The following URB1 variants were observed in gnomAD, a reference collection of about 807,000 sequenced individuals.
URB1 encodes the protein URB1 ribosome biogenesis factor, also known as nucleolar pre-ribosomal-associated protein 1.
URB1 carries 197 observed loss-of-function variants against 242.3 expected under a neutral mutation model. The ratio of observed to expected loss-of-function variants is 0.81; its 90% CI spans 0.72 to 0.91. URB1 has a LOEUF of 0.91. Ranked by LOEUF, URB1 falls within the 40% of genes least tolerant of loss-of-function variation. The pLI, the probability that URB1 is intolerant of heterozygous loss-of-function variation, is 0.00. For missense variants in URB1, 2,721 were observed against 2,860.5 expected (o/e 0.95, Z 1.11); for synonymous variants, 1,153 against 1,201.8 (o/e 0.96, Z 0.84).
chr21:32,323,731 G>C (rs2032794841), intron 32 of URB1, among the ~76,000 whole-genome samples: 1 of 152,158 alleles, frequency 6.6e-6, no homozygotes, highest in Non-Finnish European at 1.5e-5. Flanking sequence ...CCAGCACTTT[G>C]GGAGGCTGAA....
chr21:32,353,789 G>A (rs1035856849), intron 18 of URB1, 144 bp downstream of exon 18: 2 of 969,126 alleles, frequency 2.1e-6, no homozygotes, highest in East Asian at 5.6e-5. Flanking sequence ...TCTGCTGGCT[G>A]GGTAGCTATC....
chr21:32,377,692 G>A lies in URB1; in HGVS notation c.664+753C>T, dbSNP rs78360015. On this transcript the variant is annotated intron_variant, in intron 5 of 38. Coordinates refer to ENST00000382751, the MANE Select transcript of URB1 (RefSeq NM_014825.3). ...CCTCCTAAATCGTCCCGGCAGTCAC[G>A]TTCCAGGGGCAGTCCAGATCTCCCA... Among the ~76,000 whole-genome samples the A allele has an allele frequency of 4.2e-3, 639 of 152,198 alleles. 8 individuals carry two copies. The highest frequency in any genetic ancestry group is 0.015 in the African/African-American group (618 of 41,514).
intron 20 of URB1, among the ~76,000 whole-genome samples, chr21:32,349,943 A>C (rs2123582856): frequency 6.6e-6 from 1 of 152,042 alleles, no homozygotes; most frequent in East Asian, 1.9e-4. Flanking sequence ...AAAAATACAA[A>C]AATTAGCCAG....
At chr21:32,362,915 G>A (rs554570690) in intron 11 of URB1, among the ~76,000 whole-genome samples, 9 of 152,250 alleles carry the variant, frequency 5.9e-5, no homozygotes, top group East Asian at 5.8e-4. Flanking sequence ...CACATGTATC[G>A]TCTAAATTCT....
intron 8 of URB1, 135 bp downstream of exon 8, chr21:32,372,372 G>T: frequency 8.1e-7 from 1 of 1,240,436 alleles, no homozygotes; most frequent in Non-Finnish European, 1.1e-6. Flanking sequence ...GACTACAACT[G>T]TTCAACCCTG....
intron 8 of URB1, among the ~76,000 whole-genome samples, chr21:32,369,195 T>C (rs2033380334): frequency 6.6e-6 from 1 of 152,068 alleles, no homozygotes; most frequent in Non-Finnish European, 1.5e-5. Flanking sequence ...ACCCTATCTC[T>C]ATTAAAAACA....
intron 17 of URB1, among the ~76,000 whole-genome samples, chr21:32,354,470 G>C (rs2033195931): frequency 1.3e-5 from 2 of 152,154 alleles, no homozygotes. Context: ...TTCTAATCCT[G>C]ACTTTGCTAT....
At chr21:32,338,577 T>A in intron 26 of URB1, 130 bp downstream of exon 26, 1 of 1,042,912 alleles carries the variant, frequency 9.6e-7, no homozygotes, top group Non-Finnish European at 1.4e-6. Flanking sequence ...AATAAAACAT[T>A]CTGACACTGT....
intron 25 of URB1, among the ~76,000 whole-genome samples, chr21:32,340,100 T>G (rs984266696): frequency 6.6e-6 from 1 of 152,242 alleles, no homozygotes; most frequent in Non-Finnish European, 1.5e-5. Flanking sequence ...CATAATTCTG[T>G]GATGGTAACC....
chr21:32,388,660 G>A (rs554074202), intron 1 of URB1, among the ~76,000 whole-genome samples: 103 of 152,362 alleles, frequency 6.8e-4, no homozygotes, highest in African/African-American at 2.4e-3. Flanking sequence ...AGGCACCCTG[G>A]AGTTATGCAT....
chr21:32,346,751 A>G (rs961264045), intron 22 of URB1, among the ~76,000 whole-genome samples: 3 of 152,210 alleles, frequency 2.0e-5, no homozygotes, highest in Admixed American at 6.5e-5. Flanking sequence ...CTGTGCCTCA[A>G]GCCACAAAGT....
intron 8 of URB1, among the ~76,000 whole-genome samples, chr21:32,371,624 TG>T (rs2033406785): frequency 1.3e-5 from 2 of 152,234 alleles, no homozygotes; most frequent in South Asian, 4.1e-4. Flanking sequence ...AGGAATCACC[TG>T]ATTTCCTGAC....
In URB1 at chr21:32,373,674, A is replaced by G; in HGVS notation, c.849T>C (p.Ile283=). Reference sequence around the variant, plus strand: ...TGACATTTTCTGGGTTCACATCGGTAATCCCATTCCAGTTGTACAGCGATG... The same window carrying G: ...TGACATTTTCTGGGTTCACATCGGTGATCCCATTCCAGTTGTACAGCGATG... ...HIASLYNWNG[I]TDVNPENVKV... Residue 283 remains isoleucine (I), a synonymous_variant, in exon 7 of 39, where the codon ATT becomes ATC. Transcript: ENST00000382751. 6.5e-7 allele frequency: 1 copy of G among 1,543,344 alleles called. No individual in the cohort carries two copies. The highest frequency in any genetic ancestry group is 8.7e-7 in the Non-Finnish European group (1 of 1,144,434).
chr21:32,351,471 T>C (rs1372227835), intron 19 of URB1, among the ~76,000 whole-genome samples: 1 of 152,246 alleles, frequency 6.6e-6, no homozygotes. Context: ...ACGTGGCTTA[T>C]GTTGCTATAA....
rs1245134848 is a variant in URB1, at chr21:32,314,876, G to A, written c.*42C>T. 1.8e-5 allele frequency: 28 copies of A among 1,533,514 alleles called. No individual in the cohort carries two copies. Among genetic ancestry groups the A allele is most frequent in the Non-Finnish European group, 2.3e-5 (26 of 1,137,032 alleles). 95.0% of individuals were successfully genotyped at this position (1,533,514 alleles called of 1,614,324 possible). ...ACTTCTAGAAGCTGGTGCTGTGCTC[G>A]AGGCTCTGGTCATCAGGGTGCAAGG... On this transcript the variant is annotated 3_prime_UTR_variant, in exon 39 of 39. Coordinates refer to ENST00000382751, the MANE Select transcript of URB1 (RefSeq NM_014825.3).
chr21:32,362,321 T>C (rs1332317457), intron 11 of URB1, among the ~76,000 whole-genome samples: 1 of 152,088 alleles, frequency 6.6e-6, no homozygotes, highest in Non-Finnish European at 1.5e-5. Flanking sequence ...TTCTCGTGCG[T>C]CAGCCACCTG....
rs575408135 is a variant in URB1, at chr21:32,372,549, T to C, written c.959A>G (p.His320Arg). The C allele has an allele frequency of 5.7e-5, 89 of 1,551,698 alleles. 2 individuals carry two copies. The South Asian group carries it at 1.0e-3, about 18-fold the overall frequency. The change falls in exon 8 of 39, where the codon CAT becomes CGT. Residue 320 changes from histidine (H) to arginine (R), a missense_variant. Transcript: ENST00000382751. ...FLMDLCCSLKHGINFYDASLG... is the reference protein window; with the variant it reads ...FLMDLCCSLKRGINFYDASLG... ...AGATGCATCGTAAAAATTAATTCCA[T>C]GCTTGAGTGAACAGCAAAGATCCAT...
At chr21:32,363,442 T>C (rs1033115410) in intron 10 of URB1, 113 bp from the exon 11 acceptor site, 3 of 1,293,776 alleles carry the variant, frequency 2.3e-6, no homozygotes, top group Non-Finnish European at 3.2e-6. Context: ...GAAAGCTGCA[T>C]GAAACTGCTG....
chr21:32,365,873 C>T (rs2033340965), intron 10 of URB1, among the ~76,000 whole-genome samples: 1 of 152,226 alleles, frequency 6.6e-6, no homozygotes. Flanking sequence ...ACAACTCAGC[C>T]TGCCTGGAAG....
Sources: allele counts gnomAD v4.1 joint callset (sites outside exome capture counted in the v4.1 genomes callset), GRCh38; gene constraint gnomAD v4.1.1; transcripts MANE v1.5; gene names NCBI Gene and HGNC (gene_info 2026-07-23, HGNC 2026-07-21).